MUC5AC: variants seen among roughly 807,000 people sequenced by gnomAD.
The protein encoded by MUC5AC is mucin 5AC, oligomeric mucus/gel-forming.
MUC5AC carries 158 observed loss-of-function variants against 169.7 expected under a neutral mutation model. The observed-to-expected ratio is 0.93, with a 90% confidence interval of 0.82 to 1.06. The LOEUF (loss-of-function observed/expected upper bound fraction) is 1.06. Among genes scored for constraint, MUC5AC ranks in the 50% least tolerant of loss-of-function variants. The pLI, the probability that MUC5AC is intolerant of heterozygous loss-of-function variation, is 0.00. For missense variants in MUC5AC, 4,359 were observed against 3,089.9 expected, an observed-to-expected ratio of 1.41 and a Z score of -9.74; for synonymous variants, 1,975 against 1,237.0, an observed-to-expected ratio of 1.60 and a Z score of -12.52.
At chr11:1,178,720 G>A (rs1860744018) in intron 25 of MUC5AC, 37 bp downstream of exon 25, 3 of 1,126,214 alleles carry the variant, frequency 2.7e-6, no homozygotes, top group Non-Finnish European at 3.4e-6. Context: ...GGGCCCAAGG[G>A]GGTCATGGTG....
chr11:1,177,711 C>T lies in MUC5AC; in HGVS notation c.3087+78C>T, dbSNP rs1038313350. 427 of 397,552 alleles carry T rather than the reference C, an allele frequency of 1.1e-3. 2 individuals carry two copies. Among genetic ancestry groups the T allele is most frequent in the African/African-American group, 8.4e-3 (407 of 48,480 alleles). 24.6% of individuals were successfully genotyped at this position (397,552 alleles called of 1,614,324 possible). ...GGAGCGTGGAACAGGTGGGCAGAGA[C>T]GAGAGGCACAGAGACACAGAGAGAA... On this transcript the variant is annotated intron_variant, in intron 24 of 48. Coordinates refer to ENST00000621226, the MANE Select transcript of MUC5AC (RefSeq NM_001304359.2).
In MUC5AC at chr11:1,196,133, C is replaced by T. The variant is rs1861264920; in HGVS notation, c.15637+79C>T. 9 of 658,630 alleles carry T rather than the reference C, an allele frequency of 1.4e-5. No homozygotes were observed. The South Asian group carries it at 1.5e-4, about 11-fold the overall frequency. 40.8% of individuals were successfully genotyped at this position (658,630 alleles called of 1,614,324 possible). A position where few individuals can be genotyped will look rare whatever the true frequency, so the allele number is the denominator to read the frequency against. ...ACGCCGGACGGACCAACAGGGTGGG[C>T]TCGGGCAGTCAGGGGGGGACCTGGA... On this transcript the variant is annotated intron_variant, in intron 37 of 48. Transcript: ENST00000621226.
chr11:1,169,814 C>CT (rs1860445528), intron 15 of MUC5AC, among the ~76,000 whole-genome samples: 1 of 145,492 alleles, frequency 6.9e-6, no homozygotes, highest in South Asian at 2.3e-4. Flanking sequence ...ACTCACTCAC[C>CT]CACTCACCCA....
intron 32 of MUC5AC, 36 bp downstream of exon 32, chr11:1,193,018 G>C: frequency 7.7e-6 from 5 of 650,314 alleles, no homozygotes; most frequent in Non-Finnish European, 1.4e-5. Context: ...GAAGGCTCAG[G>C]GGCTCCTACA....
chr11:1,165,559 C>T (rs1028110629), intron 10 of MUC5AC, 63 bp from the exon 11 acceptor site: 80 of 1,601,458 alleles, frequency 5.0e-5, no homozygotes, highest in African/African-American at 9.4e-5. Flanking sequence ...AGCCTCCTGA[C>T]GCGGAGGCTG....
In MUC5AC at chr11:1,186,715, C is replaced by A. The variant is rs1416163876; in HGVS notation, c.8570C>A (p.Thr2857Lys). The A allele has an allele frequency of 2.7e-6, 2 of 730,040 alleles. No homozygotes were observed. Among genetic ancestry groups the A allele is most frequent in the Non-Finnish European group, 2.5e-6 (1 of 400,226 alleles). The allele number at this position is 730,040 out of a possible 1,614,324, so 45.2% of individuals were successfully genotyped here. Residue 2857 changes from threonine to lysine, a missense_variant, in exon 31 of 49, where the codon ACA (threonine) becomes AAA (lysine). Transcript: ENST00000621226. ...ACAACCAGCACAACCTCTGCCCCTA[C>A]AACCAGAACAACCTCTGTCCCTACA... ...APTTSTTSAP[T>K]TRTTSVPTSS...
chr11:1,193,995 C>T, intron 33 of MUC5AC, 115 bp from the exon 34 acceptor site: 5 of 677,914 alleles, frequency 7.4e-6, no homozygotes, highest in Non-Finnish European at 1.3e-5. Flanking sequence ...CTTGTGCGCC[C>T]TGTGAGATGA....
At position 1,168,677 on chromosome 11, in the gene MUC5AC, A is replaced by C. The variant is rs749039414; in HGVS notation, c.1603A>C (p.Ile535Leu). Reference protein sequence around the residue: ...VTIFRPSTFFIIAQTSLGLQL... With the variant: ...VTIFRPSTFFLIAQTSLGLQL... ...CATCTTCAGACCCTCAACCTTCTTC[A>C]TCATCGCCCAGACCAGCCTGGGCCT... The change falls in exon 14 of 49, where the codon ATC (isoleucine) becomes CTC (leucine). Residue 535 changes from isoleucine to leucine, a missense_variant. By Grantham distance (5) the Ile-to-Leu change is conservative. Coordinates refer to ENST00000621226, the MANE Select transcript of MUC5AC (RefSeq NM_001304359.2). 3.1e-6 allele frequency: 5 copies of C among 1,610,700 alleles called. No homozygotes were observed. In the South Asian group the frequency reaches 3.3e-5, roughly 11 times the overall value.
chr11:1,177,155 G>A (rs915629426), intron 22 of MUC5AC, 76 bp from the exon 23 acceptor site: 3 of 398,558 alleles, frequency 7.5e-6, no homozygotes, highest in Non-Finnish European at 1.3e-5. Context: ...GGTGCACACA[G>A]GTTGTCCCCG....
chr11:1,160,767 C>G, intron 2 of MUC5AC, 78 bp downstream of exon 2: 1 of 1,433,268 alleles, frequency 7.0e-7, no homozygotes, highest in Non-Finnish European at 9.5e-7. Flanking sequence ...CCTAGGGCCA[C>G]TGGTCTTAGG....
At position 1,197,622 on chromosome 11, in the gene MUC5AC, GC is replaced by G; in HGVS notation, c.16021del (p.Gln5341SerfsTer138). ...GCAGCCCCACAGGCCGGCCAGTGCT[GC>G]CCCCAGTACAGCTGCGGTAAGCCCT... The part of the protein sequence containing the change: ...VPAAPQAGQC[C>X]PQYSCACNTS... On this transcript the variant is annotated frameshift_variant, in exon 41 of 49. Transcript: ENST00000621226. LOFTEE classifies it high-confidence loss of function. The G allele has an allele frequency of 1.4e-6, 1 of 723,556 alleles. No individual in the cohort carries two copies. Among genetic ancestry groups the G allele is most frequent in the East Asian group, 2.6e-5 (1 of 38,956 alleles). The allele number at this position is 723,556 out of a possible 1,614,324, so 44.8% of individuals were successfully genotyped here. A position where few individuals can be genotyped will look rare whatever the true frequency, so the allele number is the denominator to read the frequency against.
intron 1 of MUC5AC, among the ~76,000 whole-genome samples, chr11:1,158,345 C>A (rs1444520840): frequency 6.6e-6 from 1 of 152,212 alleles, no homozygotes. Context: ...CCCTCCCGGC[C>A]CGGATCCCTG....
chr11:1,187,915 A>C lies in MUC5AC; in HGVS notation c.9770A>C (p.Glu3257Ala). 2 of 757,552 alleles carry C rather than the reference A, an allele frequency of 2.6e-6. No individual in the cohort carries two copies. The highest frequency in any genetic ancestry group is 2.7e-5 in the South Asian group (2 of 73,646). The allele number at this position is 757,552 out of a possible 1,614,324, so 46.9% of individuals were successfully genotyped here. A position where few individuals can be genotyped will look rare whatever the true frequency, so the allele number is the denominator to read the frequency against. The change falls in exon 31 of 49, where the codon GAA (glutamate) becomes GCA (alanine). Residue 3257 changes from glutamate (E) to alanine (A), a missense_variant. Transcript: ENST00000621226. ...TACAACAACATCATCAGGAGTGGGG[A>C]AAAAATCTGCCGCCGACCTGAGGAG... ...ETYNNIIRSGEKICRRPEEIT... is the reference protein window; with the variant it reads ...ETYNNIIRSGAKICRRPEEIT...
At chr11:1,196,255 G>A in intron 37 of MUC5AC, 133 bp from the exon 38 acceptor site, 1 of 668,808 alleles carries the variant, frequency 1.5e-6, no homozygotes, top group South Asian at 1.6e-5. Flanking sequence ...ACTGGGGTGT[G>A]GGAGGCCGTA....
At position 1,181,332 on chromosome 11, in the gene MUC5AC, G is replaced by A. The variant is rs1159879412; in HGVS notation, c.3882G>A (p.Thr1294=). The stretch of plus-strand genomic sequence containing the variant: ...CAGGGGACGTCATCTACCACACGAC[G>A]GATGGCACGGGTGGCTGCATCTCCG... The part of the protein sequence containing the change: ...FHPGDVIYHT[T]DGTGGCISAR... The change falls in exon 30 of 49, where the codon ACG becomes ACA. Residue 1294 remains threonine, a synonymous_variant. Transcript: ENST00000621226. 7.5e-6 allele frequency: 3 copies of A among 398,542 alleles called. No individual in the cohort carries two copies. Among genetic ancestry groups the A allele is most frequent in the African/African-American group, 2.1e-5 (1 of 48,590 alleles). The allele number at this position is 398,542 out of a possible 1,614,324, so 24.7% of individuals were successfully genotyped here.
chr11:1,165,507 G>C, intron 10 of MUC5AC, 88 bp downstream of exon 10: 1 of 1,578,496 alleles, frequency 6.3e-7, no homozygotes, highest in Non-Finnish European at 8.6e-7. Context: ...AGGCTCCCTC[G>C]TCTGGGCTAC....
intron 15 of MUC5AC, among the ~76,000 whole-genome samples, chr11:1,170,581 CTACTCACTCACT>C (rs1860480676): frequency 1.4e-4 from 15 of 106,334 alleles, no homozygotes; most frequent in African/African-American, 3.4e-4. Context: ...ACCCACTCAC[CTACTCACTCACT>C]CACTCACCCA....
chr11:1,171,606 C>A (rs1340858506), intron 15 of MUC5AC, among the ~76,000 whole-genome samples: 40 of 141,242 alleles, frequency 2.8e-4, no homozygotes, highest in African/African-American at 1.0e-3. Context: ...CTCACTCACC[C>A]ATTCACCCAC....
At chr11:1,193,115 G>T in intron 32 of MUC5AC, 133 bp downstream of exon 32, 1 of 596,016 alleles carries the variant, frequency 1.7e-6, no homozygotes, top group East Asian at 2.8e-5. Flanking sequence ...CGGCCGTCAG[G>T]AGAGGGCCAT....
Sources: allele counts gnomAD v4.1 joint callset (sites outside exome capture counted in the v4.1 genomes callset), GRCh38; gene constraint gnomAD v4.1.1; transcripts MANE v1.5; gene names NCBI Gene and HGNC (gene_info 2026-07-23, HGNC 2026-07-21).